Variants in SATB1 observed in about 807,000 individuals in gnomAD.
SATB1 encodes SATB homeobox 1, also known as DNA-binding protein SATB1.
Under a neutral mutation model 86.9 loss-of-function variants are expected in SATB1, and 11 were observed. The ratio of observed to expected loss-of-function variants is 0.13; its 90% confidence interval spans 0.08 to 0.21. The LOEUF is 0.21. Ranked by LOEUF, SATB1 falls within the 10% of genes least tolerant of loss-of-function variation. SATB1 has a pLI of 1.00. For missense variants in SATB1, 551 were observed against 937.6 expected (o/e 0.59, Z 5.39); for synonymous variants, 357 against 357.2 (o/e 1.00, Z 0.01).
intron 5 of SATB1, among the ~76,000 whole-genome samples, chr3:18,403,951 T>G (rs1014906844): frequency 6.6e-6 from 1 of 152,082 alleles, no homozygotes; most frequent in Non-Finnish European, 1.5e-5. Context: ...CAGCAGCTTT[T>G]TATCTGTCCA....
intron 8 of SATB1, among the ~76,000 whole-genome samples, chr3:18,383,930 A>G (rs1559419420): frequency 6.6e-6 from 1 of 152,346 alleles, no homozygotes; most frequent in African/African-American, 2.4e-5. Flanking sequence ...TAATTTAAAG[A>G]TTTATATTGC....
chr3:18,351,844 T>A, intron 10 of SATB1, 148 bp downstream of exon 10: 3 of 694,802 alleles, frequency 4.3e-6, no homozygotes, highest in South Asian at 3.6e-5. Context: ...ATTCATTTTA[T>A]CCCCCTGAGC....
Position 18,349,436 on chromosome 3 carries a change from G to C in SATB1, c.2026C>G (p.Gln676Glu), listed in dbSNP as rs1694231239. Residue 676 changes from glutamine (Q) to glutamate (E), a missense_variant, in exon 11 of 11, where the codon CAG becomes GAG. Physicochemically the swap from Gln to Glu is conservative, Grantham distance 29. Transcript: ENST00000338745. The surrounding 1 kb of genome is among the most constrained non-coding windows in gnomAD (Gnocchi z 5.5). ...VGLYPDEEAI[Q>E]TLSAQLDLPK... is the part of the protein sequence containing the mutation. The stretch of plus-strand genomic sequence containing the variant: ...AGGTCGAGCTGGGCAGACAGAGTCT[G>C]GATGGCCTCTTCGTCAGGGTACAGG... 6.2e-7 allele frequency: 1 copy of C among 1,614,074 alleles called. No individual in the cohort carries two copies. Among genetic ancestry groups the C allele is most frequent in the African/African-American group, 1.3e-5 (1 of 74,914 alleles).
At chr3:18,358,098 G>C (rs181233672) in intron 9 of SATB1, among the ~76,000 whole-genome samples, 117 of 152,032 alleles carry the variant, frequency 7.7e-4, no homozygotes, top group Non-Finnish European at 1.4e-3. Flanking sequence ...TGGCAAAGTG[G>C]TATTGATCTT....
intron 5 of SATB1, among the ~76,000 whole-genome samples, chr3:18,411,314 A>G (rs1390301431): frequency 6.6e-6 from 1 of 152,062 alleles, no homozygotes; most frequent in Non-Finnish European, 1.5e-5. Flanking sequence ...ATGTGTGGTG[A>G]AAGAGGGAAG....
chr3:18,391,997 T>C (rs1404031430), intron 7 of SATB1, among the ~76,000 whole-genome samples: 1 of 152,184 alleles, frequency 6.6e-6, no homozygotes, highest in South Asian at 2.1e-4. Flanking sequence ...TCCTCTTAAG[T>C]CAAACATCTT....
chr3:18,381,497 G>T (rs1177888634), intron 8 of SATB1, among the ~76,000 whole-genome samples: 1 of 152,120 alleles, frequency 6.6e-6, no homozygotes, highest in African/African-American at 2.4e-5. Context: ...TTTTAAAATT[G>T]AGAAAACTCC....
At chr3:18,370,934 C>T (rs987947753) in intron 9 of SATB1, among the ~76,000 whole-genome samples, 29 of 152,226 alleles carry the variant, frequency 1.9e-4, no homozygotes, top group Non-Finnish European at 2.8e-4. Context: ...TAGAACCACG[C>T]TAATTATCAC....
intron 8 of SATB1, among the ~76,000 whole-genome samples, chr3:18,381,945 A>G (rs1450708305): frequency 6.6e-6 from 1 of 152,178 alleles, no homozygotes; most frequent in African/African-American, 2.4e-5. Context: ...AGCCTTTAAA[A>G]GTCTTCCAGC....
intron 5 of SATB1, among the ~76,000 whole-genome samples, chr3:18,400,273 G>A (rs574462427): frequency 2.0e-5 from 3 of 152,246 alleles, no homozygotes; most frequent in South Asian, 2.1e-4. Context: ...GTGAGTTCAC[G>A]TAGGTCTGGG....
intron 9 of SATB1, 129 bp downstream of exon 9, chr3:18,378,041 T>G: frequency 3.7e-6 from 3 of 804,110 alleles, no homozygotes; most frequent in Non-Finnish European, 5.5e-6. Flanking sequence ...ATTTTAGAGC[T>G]CTGGAAATAA....
In SATB1 at chr3:18,346,967, TACTA is replaced by T. The variant is rs1160280245; in HGVS notation, c.*2199_*2202del. 2 of 152,216 alleles carry T rather than the reference TACTA, an allele frequency of 1.3e-5. No homozygotes were observed. Among genetic ancestry groups the T allele is most frequent in the African/African-American group, 4.8e-5 (2 of 41,456 alleles). The allele number at this position is 152,216 out of a possible 1,614,324, so 9.4% of individuals were successfully genotyped here. ...TAGTGAGCCAGAATGTTTGTTTTCT[TACTA>T]AATAAAAAGTGGCAACTTTTCAGTA... is the stretch of plus-strand genomic sequence containing the variant. On this transcript the variant is annotated 3_prime_UTR_variant, in exon 11 of 11. Coordinates refer to ENST00000338745, the MANE Select transcript of SATB1 (RefSeq NM_002971.6).
chr3:18,349,067 CCAAA>C lies in SATB1; in HGVS notation c.*99_*102del, dbSNP rs1694208405. The stretch of plus-strand genomic sequence containing the variant: ...GTGCAAGTTTTTGAAGATTCATTGG[CCAAA>C]CAATGAACAACAAAGGTTTTCTGAG... On this transcript the variant is annotated 3_prime_UTR_variant, in exon 11 of 11. Transcript: ENST00000338745. The surrounding 1 kb of genome is among the most constrained non-coding windows in gnomAD (Gnocchi z 5.5). 6 of 1,499,392 alleles carry C rather than the reference CCAAA, an allele frequency of 4.0e-6. No individual in the cohort carries two copies. The highest frequency in any genetic ancestry group is 2.4e-5 in the Admixed American group (1 of 41,022). The allele number at this position is 1,499,392 out of a possible 1,614,324, so 92.9% of individuals were successfully genotyped here.
At chr3:18,391,308 G>A (rs189624382) in intron 7 of SATB1, among the ~76,000 whole-genome samples, 46 of 152,090 alleles carry the variant, frequency 3.0e-4, no homozygotes, top group Admixed American at 2.1e-3. Context: ...TCTTAATGCC[G>A]TTTATAAGAA....
chr3:18,373,084 A>C (rs1039801360), intron 9 of SATB1, among the ~76,000 whole-genome samples: 3 of 152,210 alleles, frequency 2.0e-5, no homozygotes, highest in African/African-American at 7.2e-5. Flanking sequence ...GGGAGACAGA[A>C]GCTGTATCCC....
At chr3:18,417,234 A>G (rs965172123) in intron 2 of SATB1, 156 bp from the exon 3 acceptor site, 1 of 631,786 alleles carries the variant, frequency 1.6e-6, no homozygotes, top group Non-Finnish European at 2.7e-6. Flanking sequence ...GCAAATGCAC[A>G]CAAATATATA....
chr3:18,420,099 A>G (rs557222346), intron 2 of SATB1, among the ~76,000 whole-genome samples: 1 of 152,338 alleles, frequency 6.6e-6, no homozygotes, highest in East Asian at 1.9e-4. Flanking sequence ...CAGGAACAAC[A>G]CTGTTAAACA....
At chr3:18,380,031 C>T (rs139848588) in intron 8 of SATB1, among the ~76,000 whole-genome samples, 83 of 152,280 alleles carry the variant, frequency 5.5e-4, no homozygotes, top group African/African-American at 1.9e-3. Flanking sequence ...CAACACATTA[C>T]CATAAATTGC....
chr3:18,348,988 A>G lies in SATB1; in HGVS notation c.*182T>C. ...CTGGGGCTGCCAAGCAGTTTGTAAA[A>G]CAGAGGAAAACATTTAGTGCAGTCT... On this transcript the variant is annotated 3_prime_UTR_variant, in exon 11 of 11. Transcript: ENST00000338745. The G allele has an allele frequency of 9.6e-7, 1 of 1,044,060 alleles. No homozygotes were observed. Among genetic ancestry groups the G allele is most frequent in the Non-Finnish European group, 1.3e-6 (1 of 745,720 alleles). 64.7% of individuals were successfully genotyped at this position (1,044,060 alleles called of 1,614,324 possible). A position where few individuals can be genotyped will look rare whatever the true frequency, so the allele number is the denominator to read the frequency against.
Sources: allele counts gnomAD v4.1 joint callset (sites outside exome capture counted in the v4.1 genomes callset), GRCh38; gene constraint gnomAD v4.1.1; non-coding constraint Gnocchi (gnomAD v3.1); transcripts MANE v1.5; gene names NCBI Gene and HGNC (gene_info 2026-07-23, HGNC 2026-07-21).